The following C5orf47 variants were observed in gnomAD, a reference collection of about 807,000 sequenced individuals.
The protein encoded by C5orf47 is uncharacterized protein C5orf47.
A neutral mutation model predicts 20.6 loss-of-function variants in C5orf47; 20 were observed. The ratio of observed to expected loss-of-function variants is 0.97; its 90% CI spans 0.68 to 1.41. C5orf47 has a LOEUF of 1.41. C5orf47 is among the 40% of genes most tolerant of loss of function. The pLI, the probability that C5orf47 is intolerant of heterozygous loss-of-function variation, is 0.00. For missense variants in C5orf47, 262 were observed against 238.4 expected (o/e 1.10, Z -0.65); for synonymous variants, 106 against 97.3 (o/e 1.09, Z -0.53).
chr5:174,008,191 C>A (rs1034723290), downstream of C5orf47, among the ~76,000 whole-genome samples: 2 of 152,174 alleles, frequency 1.3e-5, no homozygotes, highest in African/African-American at 4.8e-5. Context: ...AATCTTGATT[C>A]CCTCACCACA....
rs1554098354 is a variant in C5orf47 at position 174,005,088 on chromosome 5, A to T, written c.*834A>T. 2 of 152,078 alleles carry T rather than the reference A, an allele frequency of 1.3e-5. No individual in the cohort carries two copies. The highest frequency in any genetic ancestry group is 2.9e-5 in the Non-Finnish European group (2 of 67,996). 9.4% of individuals were successfully genotyped at this position (152,078 alleles called of 1,614,324 possible). ...GTTTTTCTGCTTTTTTGCTGGTACG[A>T]TCTCTCTTTCTAAATTGAATCAAAG... On this transcript the variant is annotated 3_prime_UTR_variant, in exon 5 of 5. Transcript: ENST00000340147.
intron 3 of C5orf47, among the ~76,000 whole-genome samples, chr5:174,000,029 G>T (rs1175847271): frequency 6.6e-6 from 1 of 152,056 alleles, no homozygotes; most frequent in Non-Finnish European, 1.5e-5. Flanking sequence ...AATGTAGAAG[G>T]TGTGTGTTGA....
intron 1 of C5orf47, among the ~76,000 whole-genome samples, chr5:173,992,439 G>A (rs1283180871): frequency 2.6e-5 from 4 of 151,862 alleles, no homozygotes; most frequent in African/African-American, 2.4e-5. Flanking sequence ...TGATTTATTC[G>A]TTAGATATTT....
intron 1 of C5orf47, among the ~76,000 whole-genome samples, chr5:173,995,288 T>C (rs1161070494): frequency 6.6e-6 from 1 of 152,216 alleles, no homozygotes; most frequent in Non-Finnish European, 1.5e-5. Context: ...TATTAATTAA[T>C]GAATAATGGA....
rs761780907 is a variant in C5orf47 at position 173,998,105 on chromosome 5, G to A, written c.326-48G>A. The A allele has an allele frequency of 7.2e-6, 8 of 1,105,070 alleles. No individual in the cohort carries two copies. The South Asian group carries it at 1.2e-4, about 16-fold the overall frequency. The allele number at this position is 1,105,070 out of a possible 1,614,324, so 68.5% of individuals were successfully genotyped here. A position where few individuals can be genotyped will look rare whatever the true frequency, so the allele number is the denominator to read the frequency against. ...TTTATATGGTCTCTATTTTCAGATA[G>A]TAAATCCTTATATATGTTGACCTTT... On this transcript the variant is annotated intron_variant, in intron 1 of 4. Coordinates refer to ENST00000340147, the MANE Select transcript of C5orf47 (RefSeq NM_001144954.2).
At chr5:173,994,815 G>A (rs1053618574) in intron 1 of C5orf47, among the ~76,000 whole-genome samples, 1 of 152,036 alleles carries the variant, frequency 6.6e-6, no homozygotes, top group African/African-American at 2.4e-5. Flanking sequence ...CTTAATGTTT[G>A]TTTTTGTTTT....
Position 174,005,613 on chromosome 5 carries a change from TC to T in C5orf47, c.*1361del, listed in dbSNP as rs1171939574. 3 of 152,330 alleles carry T rather than the reference TC, an allele frequency of 2.0e-5. No individual in the cohort carries two copies. The highest frequency in any genetic ancestry group is 4.4e-5 in the Non-Finnish European group (3 of 68,040). The allele number at this position is 152,330 out of a possible 1,614,324, so 9.4% of individuals were successfully genotyped here. A position where few individuals can be genotyped will look rare whatever the true frequency, so the allele number is the denominator to read the frequency against. On this transcript the variant is annotated 3_prime_UTR_variant, in exon 5 of 5. Coordinates refer to ENST00000340147, the MANE Select transcript of C5orf47 (RefSeq NM_001144954.2). ...GCTGGGTAAATTTCAGGCTGCTAAA[TC>T]CTTGGGTGAAGCTTCAAATTTTAGC...
At chr5:173,997,040 C>T (rs1055518841) in intron 1 of C5orf47, among the ~76,000 whole-genome samples, 6 of 152,180 alleles carry the variant, frequency 3.9e-5, no homozygotes, top group Admixed American at 2.6e-4. Flanking sequence ...AGAGCATATT[C>T]TAGTTTATTC....
chr5:173,993,668 A>G (rs979134226), intron 1 of C5orf47, among the ~76,000 whole-genome samples: 2 of 152,134 alleles, frequency 1.3e-5, no homozygotes, highest in Non-Finnish European at 2.9e-5. Flanking sequence ...AAGAAAAGTG[A>G]TAGGGTCAGA....
At chr5:173,999,293 A>G (rs1465543356) in intron 2 of C5orf47, among the ~76,000 whole-genome samples, 3 of 152,172 alleles carry the variant, frequency 2.0e-5, no homozygotes, top group African/African-American at 7.2e-5. Context: ...GAAATACTTA[A>G]TTCTTAACTG....
At position 174,005,525 on chromosome 5, in the gene C5orf47, T is replaced by G. The variant is rs1376923470; in HGVS notation, c.*1271T>G. On this transcript the variant is annotated 3_prime_UTR_variant, in exon 5 of 5. Coordinates refer to ENST00000340147, the MANE Select transcript of C5orf47 (RefSeq NM_001144954.2). ...CATTGCCTGGGGAAATGGCCTCGGT[T>G]TTTTTGCCATGTAGGCTCTCAAGTT... The G allele has an allele frequency of 1.3e-5, 2 of 152,292 alleles. No homozygotes were observed. The highest frequency in any genetic ancestry group is 1.9e-4 in the East Asian group (1 of 5,332). The allele number at this position is 152,292 out of a possible 1,614,324, so 9.4% of individuals were successfully genotyped here. A position where few individuals can be genotyped will look rare whatever the true frequency, so the allele number is the denominator to read the frequency against.
chr5:173,989,612 A>C, intron 1 of C5orf47, 24 bp downstream of exon 1: 1 of 1,352,634 alleles, frequency 7.4e-7, no homozygotes, highest in Non-Finnish European at 9.6e-7. Flanking sequence ...GCAGGGCGGG[A>C]CCGGGCGCGG....
intron 1 of C5orf47, among the ~76,000 whole-genome samples, chr5:173,995,301 T>A (rs1561647340): frequency 6.6e-6 from 1 of 152,120 alleles, no homozygotes; most frequent in Non-Finnish European, 1.5e-5. Context: ...ATAATGGAAA[T>A]ATAAACTAGT....
chr5:173,990,302 G>T (rs1758968081), intron 1 of C5orf47, among the ~76,000 whole-genome samples: 1 of 147,608 alleles, frequency 6.8e-6, no homozygotes. Context: ...TTGTAGACAT[G>T]GGGGGCGGGG....
intron 1 of C5orf47, 117 bp downstream of exon 1, chr5:173,989,705 G>A: frequency 1.0e-6 from 1 of 981,154 alleles, no homozygotes; most frequent in South Asian, 2.4e-5. Context: ...TTTCCTGTCA[G>A]GCCGTGTTGC....
At chr5:174,000,808 T>G (rs977935496) in intron 3 of C5orf47, among the ~76,000 whole-genome samples, 2 of 152,092 alleles carry the variant, frequency 1.3e-5, no homozygotes, top group Non-Finnish European at 2.9e-5. Flanking sequence ...GAAAAAGAAG[T>G]CAGAGGTATC....
Position 173,989,395 on chromosome 5 carries a change from G to C in C5orf47, c.132G>C (p.Gly44=). ...GAGCTCAAGGCCTTTGGGGTCAGGGGCCTGGGGCAGGCTGTCGCCAGGAGA... is the reference window on the plus strand; with the variant it reads ...GAGCTCAAGGCCTTTGGGGTCAGGGCCCTGGGGCAGGCTGTCGCCAGGAGA... The part of the protein sequence containing the change: ...GRGAQGLWGQ[G]PGAGCRQEKP... The change falls in exon 1 of 5, where the codon GGG becomes GGC. Residue 44 remains glycine, a synonymous_variant. Transcript: ENST00000340147. 6.5e-7 allele frequency: 1 copy of C among 1,543,956 alleles called. No homozygotes were observed.
chr5:173,989,213 C>T lies in C5orf47; in HGVS notation c.-51C>T, dbSNP rs932957526. 3 of 1,359,102 alleles carry T rather than the reference C, an allele frequency of 2.2e-6. No homozygotes were observed. The highest frequency in any genetic ancestry group is 2.8e-6 in the Non-Finnish European group (3 of 1,057,084). The allele number at this position is 1,359,102 out of a possible 1,614,324, so 84.2% of individuals were successfully genotyped here. A position where few individuals can be genotyped will look rare whatever the true frequency, so the allele number is the denominator to read the frequency against. ...CGCCTGCACAGTGGGCAGTCTGGCG[C>T]CTGTGGCGTCGTGTTTGCTGAGGGC... On this transcript the variant is annotated 5_prime_UTR_variant, in exon 1 of 5. Transcript: ENST00000340147.
At chr5:173,999,868 G>T (rs1309786766) in intron 3 of C5orf47, 69 bp downstream of exon 3, 1 of 759,150 alleles carries the variant, frequency 1.3e-6, no homozygotes, top group Non-Finnish European at 2.2e-6. Flanking sequence ...TCCTGGGATT[G>T]CATGAGATCA....
Sources: allele counts gnomAD v4.1 joint callset (sites outside exome capture counted in the v4.1 genomes callset), GRCh38; gene constraint gnomAD v4.1.1; transcripts MANE v1.5; gene names NCBI Gene and HGNC (gene_info 2026-07-23, HGNC 2026-07-21).